The following DHRS7B variants were observed in gnomAD, a reference collection of about 807,000 sequenced individuals.
DHRS7B encodes dehydrogenase/reductase 7B, also known as peroxisomal reductase activating PPAR-gamma.
Under a neutral mutation model 26.4 loss-of-function variants are expected in DHRS7B, and 24 were observed. The observed-to-expected ratio is 0.91, with a 90% CI of 0.66 to 1.28. DHRS7B has a LOEUF of 1.28. DHRS7B is among the 50% of genes most tolerant of loss of function. DHRS7B has a pLI of 0.00. For missense variants in DHRS7B, 368 were observed against 419.4 expected, an observed-to-expected ratio of 0.88 and a Z score of 1.07; for synonymous variants, 142 against 166.4, an observed-to-expected ratio of 0.85 and a Z score of 1.13.
intron 1 of DHRS7B, among the ~76,000 whole-genome samples, chr17:21,139,012 A>T (rs376947154): frequency 1.3e-5 from 2 of 152,232 alleles, no homozygotes; most frequent in Non-Finnish European, 2.9e-5. Flanking sequence ...TGTAACAGTG[A>T]AAAATGATTT....
At chr17:21,182,333 C>T (rs1215955858) in intron 3 of DHRS7B, among the ~76,000 whole-genome samples, 4 of 151,930 alleles carry the variant, frequency 2.6e-5, no homozygotes, top group African/African-American at 9.7e-5. Context: ...ACCACAACCT[C>T]CGCCTCCCAG....
intron 2 of DHRS7B, among the ~76,000 whole-genome samples, chr17:21,174,247 G>T (rs550737654): frequency 6.6e-6 from 1 of 152,238 alleles, no homozygotes; most frequent in Non-Finnish European, 1.5e-5. Flanking sequence ...TTGGAGTTAT[G>T]CAACGAGTCT....
At chr17:21,147,705 C>T (rs1973672073) in intron 1 of DHRS7B, among the ~76,000 whole-genome samples, 1 of 152,200 alleles carries the variant, frequency 6.6e-6, no homozygotes, top group Admixed American at 6.5e-5. Flanking sequence ...AGACTTGTCC[C>T]TGCCTTAACC....
intron 5 of DHRS7B, among the ~76,000 whole-genome samples, chr17:21,185,460 C>T (rs774018473): frequency 1.3e-4 from 20 of 152,204 alleles, no homozygotes; most frequent in Non-Finnish European, 2.9e-4. Context: ...TTCTTGGACA[C>T]ATTACTTAAC....
intron 1 of DHRS7B, among the ~76,000 whole-genome samples, chr17:21,132,346 AAAAT>A (rs1179328210): frequency 2.0e-4 from 27 of 136,780 alleles, no homozygotes; most frequent in Admixed American, 5.0e-4. Context: ...TAAAAAAAAA[AAAAT>A]ATATATATAT....
At chr17:21,130,830 A>G (rs1597728361) in intron 1 of DHRS7B, among the ~76,000 whole-genome samples, 1 of 152,200 alleles carries the variant, frequency 6.6e-6, no homozygotes, top group East Asian at 1.9e-4. Flanking sequence ...TTTGGTAGCC[A>G]ATGTTATTTT....
At chr17:21,158,957 C>CAAA (rs201773440) in intron 1 of DHRS7B, among the ~76,000 whole-genome samples, 2 of 108,600 alleles carry the variant, frequency 1.8e-5, no homozygotes, top group African/African-American at 6.5e-5. Context: ...TATCTGCATG[C>CAAA]AAAAAAAAAA....
intron 5 of DHRS7B, among the ~76,000 whole-genome samples, chr17:21,187,092 A>AT (rs1974651596): frequency 8.8e-5 from 5 of 57,048 alleles, no homozygotes; most frequent in Admixed American, 1.6e-4. Flanking sequence ...TCTGTATTAA[A>AT]AGATATATAT....
At chr17:21,131,411 A>G (rs1477281725) in intron 1 of DHRS7B, among the ~76,000 whole-genome samples, 2 of 152,212 alleles carry the variant, frequency 1.3e-5, no homozygotes, top group African/African-American at 2.4e-5. Context: ...GTAAACTGTT[A>G]TGGTGCTGGT....
chr17:21,159,522 T>G (rs1973954460), intron 1 of DHRS7B, among the ~76,000 whole-genome samples: 2 of 151,966 alleles, frequency 1.3e-5, no homozygotes, highest in Admixed American at 1.3e-4. Flanking sequence ...CCCAAAATGT[T>G]GGGATTACAG....
Position 21,172,148 on chromosome 17 carries a change from C to G in DHRS7B, c.151C>G (p.Arg51Gly), listed in dbSNP as rs757272716. 6.2e-7 allele frequency: 1 copy of G among 1,613,898 alleles called. No homozygotes were observed. Among genetic ancestry groups the G allele is most frequent in the East Asian group, 2.2e-5 (1 of 44,872 alleles). The change falls in exon 2 of 7, where the codon CGG becomes GGG. Residue 51 changes from arginine to glycine, a missense_variant. Physicochemically the swap from Arg to Gly is moderately radical, Grantham distance 125. Coordinates refer to ENST00000395511, the MANE Select transcript of DHRS7B (RefSeq NM_015510.5). ...GTGGGTGCGCGGGAAGGCCTACCTG[C>G]GGAATGCTGTGGTGGTGATCACAGG... Reference protein sequence around the residue: ...LQWVRGKAYLRNAVVVITGAT... With the variant: ...LQWVRGKAYLGNAVVVITGAT...
At chr17:21,141,494 CAATGGTA>C (rs2143924390) in intron 1 of DHRS7B, among the ~76,000 whole-genome samples, 1 of 151,780 alleles carries the variant, frequency 6.6e-6, no homozygotes, top group African/African-American at 2.4e-5. Flanking sequence ...CTGAGCGCTC[CAATGGTA>C]AGGAGGAATT....
chr17:21,153,375 C>T (rs1043110442), intron 1 of DHRS7B, among the ~76,000 whole-genome samples: 2 of 151,684 alleles, frequency 1.3e-5, no homozygotes, highest in Non-Finnish European at 2.9e-5. Flanking sequence ...CTGAAAAAAA[C>T]AGGAACAAAA....
intron 5 of DHRS7B, among the ~76,000 whole-genome samples, chr17:21,187,114 A>ATAT (rs1567631166): frequency 5.0e-5 from 5 of 100,248 alleles, no homozygotes; most frequent in South Asian, 3.2e-4. Flanking sequence ...TATATATATA[A>ATAT]AATATATAAA....
chr17:21,184,232 A>G (rs1974578214), intron 4 of DHRS7B, 139 bp from the exon 5 acceptor site: 1 of 720,438 alleles, frequency 1.4e-6, no homozygotes, highest in East Asian at 2.7e-5. Flanking sequence ...GGAAGTTCCA[A>G]CATAGTCCTC....
intron 1 of DHRS7B, among the ~76,000 whole-genome samples, chr17:21,136,020 C>T (rs73305683): frequency 0.031 from 4,771 of 152,006 alleles, 239 homozygotes; most frequent in African/African-American, 0.11. Context: ...CAAGACTGGC[C>T]GGGGATGGTG....
intron 1 of DHRS7B, among the ~76,000 whole-genome samples, chr17:21,151,318 AG>A (rs1445542356): frequency 9.2e-5 from 14 of 152,210 alleles, no homozygotes; most frequent in African/African-American, 3.1e-4. Context: ...AGCCTGGCCA[AG>A]ATGGTGAAAC....
At chr17:21,165,374 C>T (rs1420335627) in intron 1 of DHRS7B, among the ~76,000 whole-genome samples, 1 of 152,006 alleles carries the variant, frequency 6.6e-6, no homozygotes, top group African/African-American at 2.4e-5. Context: ...CAGGGTCTCA[C>T]TCTGTCACCC....
Position 21,188,722 on chromosome 17 carries a change from A to G in DHRS7B, c.631A>G (p.Lys211Glu). ...GTCCACATGTGTAGATGCAGCCTCCAAGCACGCAACCCAGGCTTTCTTTGA... is the reference window on the plus strand; with the variant it reads ...GTCCACATGTGTAGATGCAGCCTCCGAGCACGCAACCCAGGCTTTCTTTGA... ...IPFRSAYAAS[K>E]HATQAFFDCL... Residue 211 changes from lysine to glutamate, a missense_variant, in exon 6 of 7, where the codon AAG (lysine) becomes GAG (glutamate). Transcript: ENST00000395511. 9 of 1,597,774 alleles carry G rather than the reference A, an allele frequency of 5.6e-6. No individual in the cohort carries two copies. The highest frequency in any genetic ancestry group is 7.7e-6 in the Non-Finnish European group (9 of 1,171,754).
Sources: allele counts gnomAD v4.1 joint callset (sites outside exome capture counted in the v4.1 genomes callset), GRCh38; gene constraint gnomAD v4.1.1; transcripts MANE v1.5; gene names NCBI Gene and HGNC (gene_info 2026-07-23, HGNC 2026-07-21).